Variants in ZIK1 observed in about 807,000 individuals in gnomAD.
ZIK1 encodes the protein zinc finger protein interacting with K protein 1.
ZIK1 carries 12 observed loss-of-function variants against 10.7 expected under a neutral mutation model. That is an observed-to-expected ratio of 1.12 (90% confidence interval 0.72 to 1.81). ZIK1 has a LOEUF of 1.81. ZIK1 is among the 40% of genes most tolerant of loss of function. The pLI is 0.00. For synonymous variants in ZIK1, 190 were observed against 205.0 expected (o/e 0.93, Z 0.63); for missense variants, 497 against 585.7 (o/e 0.85, Z 1.56).
At chr19:57,589,928 T>G in intron 3 of ZIK1, 83 bp from the exon 4 acceptor site, 1 of 1,467,182 alleles carries the variant, frequency 6.8e-7, no homozygotes, top group Non-Finnish European at 9.2e-7. Context: ...ACCTGGTGAA[T>G]CATTCGTTTG....
At chr19:57,586,423 C>A (rs965480086) in intron 2 of ZIK1, among the ~76,000 whole-genome samples, 7 of 151,960 alleles carry the variant, frequency 4.6e-5, no homozygotes, top group African/African-American at 1.7e-4. Context: ...ATTAGCCAGG[C>A]GTGGTGGCAG....
rs1425187750 is a variant in ZIK1, at chr19:57,592,793, G to A, written c.*1518G>A. 2 of 152,182 alleles carry A rather than the reference G, an allele frequency of 1.3e-5. No individual in the cohort carries two copies. The highest frequency in any genetic ancestry group is 3.9e-4 in the East Asian group (2 of 5,194). The allele number at this position is 152,182 out of a possible 1,614,324, so 9.4% of individuals were successfully genotyped here. A position where few individuals can be genotyped will look rare whatever the true frequency, so the allele number is the denominator to read the frequency against. On this transcript the variant is annotated 3_prime_UTR_variant, in exon 4 of 4. Coordinates refer to ENST00000597850, the MANE Select transcript of ZIK1 (RefSeq NM_001010879.4). ...TTTTACAAACTTTCTTGATGTGTAAGTGACATGCCATAGTTTACATCCATT... is the reference window on the plus strand; with the variant it reads ...TTTTACAAACTTTCTTGATGTGTAAATGACATGCCATAGTTTACATCCATT...
chr19:57,588,850 A>G (rs1979404109), intron 3 of ZIK1, among the ~76,000 whole-genome samples, 185 bp downstream of exon 3: 1 of 151,302 alleles, frequency 6.6e-6, no homozygotes, highest in African/African-American at 2.4e-5. Flanking sequence ...GCCACTGGGC[A>G]GCAGGTGTTC....
Position 57,590,422 on chromosome 19 carries a change from T to A in ZIK1, c.611T>A (p.Ile204Asn), listed in dbSNP as rs201294359. The A allele has an allele frequency of 1.9e-6, 3 of 1,614,032 alleles. No individual in the cohort carries two copies. The Admixed American group carries it at 5.0e-5, about 27-fold the overall frequency. Residue 204 changes from isoleucine to asparagine, a missense_variant, in exon 4 of 4, where the codon ATT becomes AAT. By Grantham distance (149) the Ile-to-Asn change is moderately radical. Transcript: ENST00000597850. ...PGTITECGED[I>N]RSQKSHYKSG... is the part of the protein sequence containing the mutation. ...ACAATTACTGAATGTGGGGAGGACA[T>A]TCGCAGTCAAAAAAGTCATTACAAG...
At chr19:57,588,733 T>C (rs1305269307) in intron 3 of ZIK1, 68 bp downstream of exon 3, 1 of 1,368,732 alleles carries the variant, frequency 7.3e-7, no homozygotes, top group Non-Finnish European at 9.5e-7. Flanking sequence ...CTCCACTTTC[T>C]TGGGATATGT....
chr19:57,589,421 C>T lies in ZIK1; in HGVS notation c.200-590C>T, dbSNP rs532183240. 1,199 of 985,208 alleles carry T rather than the reference C, an allele frequency of 1.2e-3. 1 individual carries two copies. The highest frequency in any genetic ancestry group is 1.4e-3 in the Non-Finnish European group (1,156 of 829,922). 61.0% of individuals were successfully genotyped at this position (985,208 alleles called of 1,614,324 possible). ...TATATTTTCTTCTCAGTACTTGACA[C>T]TTCTCTCTCTTATTATTTTTATCTA... is the stretch of plus-strand genomic sequence containing the variant. On this transcript the variant is annotated intron_variant, in intron 3 of 3. Coordinates refer to ENST00000597850, the MANE Select transcript of ZIK1 (RefSeq NM_001010879.4).
chr19:57,586,086 C>T (rs1385659842), intron 2 of ZIK1, among the ~76,000 whole-genome samples: 1 of 151,992 alleles, frequency 6.6e-6, no homozygotes, highest in Non-Finnish European at 1.5e-5. Flanking sequence ...TTATCATAGT[C>T]TGAGATATTC....
At chr19:57,584,544 A>T in intron 1 of ZIK1, 155 bp downstream of exon 1, 1 of 1,418,252 alleles carries the variant, frequency 7.1e-7, no homozygotes, top group Non-Finnish European at 9.2e-7. Context: ...AGAGGGTTAC[A>T]GGCAAAGGGA....
rs1248259618 is a variant in ZIK1, at chr19:57,593,843, T to C, written c.*2568T>C. 1 of 151,300 alleles carries C rather than the reference T, an allele frequency of 6.6e-6. No homozygotes were observed. Among genetic ancestry groups the C allele is most frequent in the African/African-American group, 2.4e-5 (1 of 41,028 alleles). 9.4% of individuals were successfully genotyped at this position (151,300 alleles called of 1,614,324 possible). ...TTAATGTCTTTTGCTTATTTTTAAA[T>C]GGATGTTGGTGATACTTTTTCATTA... is the stretch of plus-strand genomic sequence containing the variant. On this transcript the variant is annotated 3_prime_UTR_variant, in exon 4 of 4. Coordinates refer to ENST00000597850, the MANE Select transcript of ZIK1 (RefSeq NM_001010879.4).
At chr19:57,588,857 G>T (rs1011650241) in intron 3 of ZIK1, among the ~76,000 whole-genome samples, 192 bp downstream of exon 3, 15 of 151,438 alleles carry the variant, frequency 9.9e-5, no homozygotes, top group African/African-American at 3.6e-4. Context: ...GGCAGCAGGT[G>T]TTCTTCAGTC....
Position 57,590,060 on chromosome 19 carries a change from T to G in ZIK1, c.249T>G (p.Val83=), listed in dbSNP as rs1324691656. The G allele has an allele frequency of 6.2e-7, 1 of 1,614,090 alleles. No individual in the cohort carries two copies. The highest frequency in any genetic ancestry group is 1.3e-5 in the African/African-American group (1 of 74,934). The change falls in exon 4 of 4, where the codon GTT becomes GTG. Residue 83 remains valine, a synonymous_variant. Coordinates refer to ENST00000597850, the MANE Select transcript of ZIK1 (RefSeq NM_001010879.4). ...AAGAGACACCTTCTGACCAGAATGT[T>G]TCTGTAGGAGTGTCACAGTCAAAGG... ...EDEETPSDQN[V]SVGVSQSKAG... is the part of the protein sequence containing the mutation.
rs779545320 is a variant in ZIK1, at chr19:57,590,115, T to G, written c.304T>G (p.Cys102Gly). The G allele has an allele frequency of 5.6e-6, 9 of 1,614,100 alleles. No homozygotes were observed. In the East Asian group the frequency reaches 2.0e-4, roughly 36 times the overall value. Residue 102 changes from cysteine to glycine, a missense_variant, in exon 4 of 4, where the codon TGT (cysteine) becomes GGT (glycine). By Grantham distance (159) the Cys-to-Gly change is radical. Coordinates refer to ENST00000597850, the MANE Select transcript of ZIK1 (RefSeq NM_001010879.4). ...AGSSTQKTQS[C>G]EMCVPVLKDI... ...TTCATCCACACAGAAGACTCAATCC[T>G]GTGAGATGTGTGTCCCAGTCCTGAA...
At chr19:57,584,478 A>G (rs997848415) in intron 1 of ZIK1, 89 bp downstream of exon 1, 14 of 1,489,920 alleles carry the variant, frequency 9.4e-6, no homozygotes, top group Non-Finnish European at 1.3e-5. Context: ...TGTCCAGTAC[A>G]GTGGGGGCTC....
At chr19:57,587,033 C>T (rs1979221911) in intron 2 of ZIK1, among the ~76,000 whole-genome samples, 1 of 152,166 alleles carries the variant, frequency 6.6e-6, no homozygotes, top group Non-Finnish European at 1.5e-5. Context: ...GGGTGAAAGG[C>T]ATGTCTTGCA....
intron 2 of ZIK1, among the ~76,000 whole-genome samples, chr19:57,585,216 T>C (rs1300753910): frequency 6.6e-6 from 1 of 152,156 alleles, no homozygotes; most frequent in Non-Finnish European, 1.5e-5. Flanking sequence ...ATGTGTAAGG[T>C]TGGCAGTGAA....
chr19:57,584,699 C>T (rs1038062301), intron 1 of ZIK1: 9 of 1,276,316 alleles, frequency 7.1e-6, no homozygotes, highest in Non-Finnish European at 9.2e-6. Context: ...TTAGGTCTTT[C>T]GAAGTTTTCC....
chr19:57,591,214 G>A lies in ZIK1; in HGVS notation c.1403G>A (p.Cys468Tyr), dbSNP rs765036536. 1 of 1,614,180 alleles carries A rather than the reference G, an allele frequency of 6.2e-7. No homozygotes were observed. Among genetic ancestry groups the A allele is most frequent in the South Asian group, 1.1e-5 (1 of 91,084 alleles). Residue 468 changes from cysteine (C) to tyrosine (Y), a missense_variant, in exon 4 of 4, where the codon TGT becomes TAT. Transcript: ENST00000597850. ...TGERPYECNK[C>Y]GNSFSQCSSL... is the part of the protein sequence containing the mutation. Reference sequence around the variant, plus strand: ...GAAAGGCCTTATGAGTGCAACAAATGTGGGAATTCCTTTAGCCAATGCTCC... The same window carrying A: ...GAAAGGCCTTATGAGTGCAACAAATATGGGAATTCCTTTAGCCAATGCTCC...
chr19:57,584,354 C>T lies in ZIK1; in HGVS notation c.-3C>T, dbSNP rs1420902255. On this transcript the variant is annotated 5_prime_UTR_variant, in exon 1 of 4. Transcript: ENST00000597850. ...CCCGGCCCCGCTCTGCCCACAGACTCCGATGGCTGCGGCCGCGCTGAGGGC... is the reference window on the plus strand; with the variant it reads ...CCCGGCCCCGCTCTGCCCACAGACTTCGATGGCTGCGGCCGCGCTGAGGGC... 1.9e-6 allele frequency: 3 copies of T among 1,599,102 alleles called. No homozygotes were observed. In the African/African-American group the frequency reaches 4.0e-5, roughly 21 times the overall value.
Position 57,592,788 on chromosome 19 carries a change from T to C in ZIK1, c.*1513T>C, listed in dbSNP as rs1979809163. ...ACATGTTTTACAAACTTTCTTGATG[T>C]GTAAGTGACATGCCATAGTTTACAT... On this transcript the variant is annotated 3_prime_UTR_variant, in exon 4 of 4. Coordinates refer to ENST00000597850, the MANE Select transcript of ZIK1 (RefSeq NM_001010879.4). 1 of 152,202 alleles carries C rather than the reference T, an allele frequency of 6.6e-6. No homozygotes were observed. Among genetic ancestry groups the C allele is most frequent in the Non-Finnish European group, 1.5e-5 (1 of 68,036 alleles). The allele number at this position is 152,202 out of a possible 1,614,324, so 9.4% of individuals were successfully genotyped here.
Sources: allele counts gnomAD v4.1 joint callset (sites outside exome capture counted in the v4.1 genomes callset), GRCh38; gene constraint gnomAD v4.1.1; transcripts MANE v1.5; gene names NCBI Gene and HGNC (gene_info 2026-07-23, HGNC 2026-07-21).